Variants in MLC1 observed in about 807,000 individuals in gnomAD.
The protein encoded by MLC1 is modulator of VRAC current 1.
Under a neutral mutation model 44.7 loss-of-function variants are expected in MLC1, and 32 were observed. The ratio of observed to expected loss-of-function variants is 0.72; its 90% CI spans 0.54 to 0.96. The LOEUF (loss-of-function observed/expected upper bound fraction) is 0.96. Ranked by LOEUF, MLC1 falls within the 40% of genes least tolerant of loss-of-function variation. The pLI is 0.00. For synonymous variants in MLC1, 190 were observed against 213.0 expected, an observed-to-expected ratio of 0.89 and a Z score of 0.94; for missense variants, 459 against 492.2, an observed-to-expected ratio of 0.93 and a Z score of 0.64.
chr22:50,066,103 C>G lies in MLC1; in HGVS notation c.895-1905G>C, dbSNP rs1218202189. ...TCCTCATCCCAGCACTTTGGGAGGC[C>G]AAGGTGGGCGGATCGCTTGAGCCCA... On this transcript the variant is annotated intron_variant, in intron 10 of 11. Coordinates refer to ENST00000311597, the MANE Select transcript of MLC1 (RefSeq NM_015166.4). 2.0e-5 allele frequency among the ~76,000 whole-genome samples: 3 copies of G among 151,836 alleles called. No homozygotes were observed. The East Asian group carries it at 5.8e-4, about 30-fold the overall frequency.
At chr22:50,084,696 CCT>C in intron 2 of MLC1, 28 bp downstream of exon 2, 1 of 1,611,768 alleles carries the variant, frequency 6.2e-7, no homozygotes. Context: ...TGCTCGTGGC[CCT>C]CCAAGGGCTT....
chr22:50,074,946 C>T (rs911379280), intron 7 of MLC1, among the ~76,000 whole-genome samples: 9 of 152,228 alleles, frequency 5.9e-5, no homozygotes, highest in African/African-American at 1.7e-4. Context: ...AGCTGCTGCT[C>T]GAGGCACCTG....
intron 6 of MLC1, 29 bp from the exon 7 acceptor site, chr22:50,076,941 G>C: frequency 6.2e-7 from 1 of 1,613,308 alleles, no homozygotes; most frequent in Non-Finnish European, 8.5e-7. Context: ...GTCACCCCGG[G>C]TGCACGGGCA....
intron 3 of MLC1, among the ~76,000 whole-genome samples, chr22:50,082,642 T>C (rs895217506): frequency 1.3e-5 from 2 of 152,194 alleles, no homozygotes; most frequent in African/African-American, 4.8e-5. Context: ...ACTAAAGTCA[T>C]ATGAAGAGTT....
At chr22:50,072,438 T>C (rs1157049568) in intron 8 of MLC1, among the ~76,000 whole-genome samples, 1 of 152,166 alleles carries the variant, frequency 6.6e-6, no homozygotes, top group Non-Finnish European at 1.5e-5. Context: ...CGCTCTCCTC[T>C]CCTCCTGGGG....
intron 7 of MLC1, 97 bp downstream of exon 7, chr22:50,076,744 T>C (rs933331909): frequency 3.7e-6 from 5 of 1,357,884 alleles, no homozygotes; most frequent in Non-Finnish European, 5.3e-6. Flanking sequence ...GACAGCCAAC[T>C]CTTCGCCAAC....
At chr22:50,074,771 G>T in intron 7 of MLC1, 1 of 231,838 alleles carries the variant, frequency 4.3e-6, no homozygotes, top group South Asian at 6.1e-5. Context: ...CGTGCCATGT[G>T]GGTTTGCCAT....
rs2062014842 is a variant in MLC1, at chr22:50,077,518, C to T, written c.424-16G>A. 12 of 1,600,842 alleles carry T rather than the reference C, an allele frequency of 7.5e-6. No individual in the cohort carries two copies. Among genetic ancestry groups the T allele is most frequent in the African/African-American group, 1.3e-5 (1 of 74,618 alleles). ...TGAAGTTGATCTGCCAAGGGGCACA[C>T]ACGCTTCAGCACCGGGCCCGCCTTT... On this transcript the variant is annotated splice_polypyrimidine_tract_variant and intron_variant, in intron 5 of 11. Transcript: ENST00000311597.
chr22:50,081,185 C>CA (rs992712599), intron 3 of MLC1, among the ~76,000 whole-genome samples: 11 of 151,368 alleles, frequency 7.3e-5, no homozygotes, highest in Middle Eastern at 3.4e-3. Flanking sequence ...ACTAAAAATA[C>CA]AAAAAAAATT....
intron 11 of MLC1, among the ~76,000 whole-genome samples, chr22:50,063,031 C>T (rs1348637030): frequency 2.6e-5 from 4 of 152,168 alleles, no homozygotes; most frequent in Non-Finnish European, 5.9e-5. Flanking sequence ...CGCGTCCCCA[C>T]CAGAGACCAG....
At chr22:50,067,120 G>T (rs2061718657) in intron 10 of MLC1, among the ~76,000 whole-genome samples, 1 of 152,116 alleles carries the variant, frequency 6.6e-6, no homozygotes, top group Non-Finnish European at 1.5e-5. Flanking sequence ...TGAAGTAGGA[G>T]ATATATTAAA....
chr22:50,076,276 C>T (rs975326369), intron 7 of MLC1, among the ~76,000 whole-genome samples: 7 of 152,040 alleles, frequency 4.6e-5, no homozygotes, highest in Non-Finnish European at 7.4e-5. Context: ...AGAAAGAGGC[C>T]AGGTGCGGTG....
Position 50,060,933 on chromosome 22 carries a change from G to A in MLC1, c.*650C>T, listed in dbSNP as rs960059829. ...GGCAGGCGACCCGGCGTGGACTGGT[G>A]TGGATTTCACCTGGGAGAGCAGCGG... On this transcript the variant is annotated 3_prime_UTR_variant, in exon 12 of 12. Transcript: ENST00000311597. 2.5e-5 allele frequency: 4 copies of A among 158,204 alleles called. No homozygotes were observed. The highest frequency in any genetic ancestry group is 9.6e-5 in the African/African-American group (4 of 41,632). The allele number at this position is 158,204 out of a possible 1,614,324, so 9.8% of individuals were successfully genotyped here. A position where few individuals can be genotyped will look rare whatever the true frequency, so the allele number is the denominator to read the frequency against.
chr22:50,074,211 C>G lies in MLC1; in HGVS notation c.714+5G>C. On this transcript the variant is annotated splice_donor_5th_base_variant and intron_variant, in intron 8 of 11. Transcript: ENST00000311597. ...GGCGGCGGGCGGGCCAGAGGGGTTA[C>G]TCACGGCCACTAGGATCCAAAAGAA... The G allele has an allele frequency of 6.2e-7, 1 of 1,611,074 alleles. No individual in the cohort carries two copies. Among genetic ancestry groups the G allele is most frequent in the Non-Finnish European group, 8.5e-7 (1 of 1,178,650 alleles).
intron 10 of MLC1, among the ~76,000 whole-genome samples, chr22:50,067,426 CCCCTGTCAGGCAGTGA>C: frequency 7.7e-6 from 1 of 130,488 alleles, no homozygotes; most frequent in Admixed American, 8.1e-5. Context: ...GTGACTCTAT[CCCCTGTCAGGCAGTGA>C]CTCCATCCCC....
At chr22:50,069,514 C>T (rs557084728) in intron 9 of MLC1, among the ~76,000 whole-genome samples, 3 of 151,918 alleles carry the variant, frequency 2.0e-5, no homozygotes, top group East Asian at 2.0e-4. Context: ...GGTGTGGTGG[C>T]GCATGCCTGT....
At chr22:50,078,785 C>G (rs1049276624) in intron 5 of MLC1, among the ~76,000 whole-genome samples, 14 of 151,586 alleles carry the variant, frequency 9.2e-5, no homozygotes, top group Non-Finnish European at 2.1e-4. Flanking sequence ...ATAAGGAGAA[C>G]TCTAAAATTC....
rs1241525030 is a variant in MLC1 at position 50,080,434 on chromosome 22, A to G, written c.268-37T>C. On this transcript the variant is annotated intron_variant, in intron 3 of 11. Coordinates refer to ENST00000311597, the MANE Select transcript of MLC1 (RefSeq NM_015166.4). ...CCGGAATCCCATGAGCCTGCCGCTC[A>G]CCTGAGCAACTGAGACTCTGAAATA... 4 of 1,571,468 alleles carry G rather than the reference A, an allele frequency of 2.5e-6. No individual in the cohort carries two copies. The East Asian group carries it at 9.4e-5, about 37-fold the overall frequency.
intron 9 of MLC1, among the ~76,000 whole-genome samples, chr22:50,069,676 T>C (rs1245143517): frequency 1.3e-5 from 2 of 151,776 alleles, no homozygotes; most frequent in Admixed American, 6.6e-5. Context: ...CAAAAAACAT[T>C]TACCTGCAAT....
Sources: allele counts gnomAD v4.1 joint callset (sites outside exome capture counted in the v4.1 genomes callset), GRCh38; gene constraint gnomAD v4.1.1; transcripts MANE v1.5; gene names NCBI Gene and HGNC (gene_info 2026-07-23, HGNC 2026-07-21).